The following KLHL1 variants were observed in gnomAD, a reference collection of about 807,000 sequenced individuals.
KLHL1 encodes kelch like family member 1, also known as kelch-like protein 1.
In KLHL1, 47 loss-of-function variants were observed where a neutral mutation model predicts 77.7. The ratio of observed to expected loss-of-function variants is 0.60; its 90% CI spans 0.48 to 0.77. KLHL1 has a LOEUF of 0.77. Ranked by LOEUF, KLHL1 falls within the 30% of genes least tolerant of loss-of-function variation. The pLI is 0.00. For synonymous variants in KLHL1, 360 were observed against 325.2 expected, an observed-to-expected ratio of 1.11 and a Z score of -1.15; for missense variants, 925 against 910.8, an observed-to-expected ratio of 1.02 and a Z score of -0.20.
chr13:70,042,277 CTGTG>C (rs1044628465), intron 1 of KLHL1, among the ~76,000 whole-genome samples: 1 of 151,922 alleles, frequency 6.6e-6, no homozygotes, highest in African/African-American at 2.4e-5. Flanking sequence ...ATCTGTGTGT[CTGTG>C]TGTCTGTGTG....
At chr13:70,094,185 C>T (rs2137445746) in intron 1 of KLHL1, among the ~76,000 whole-genome samples, 1 of 151,882 alleles carries the variant, frequency 6.6e-6, no homozygotes, top group East Asian at 1.9e-4. Flanking sequence ...TTTATGTAAG[C>T]CAGATGTGGC....
At chr13:69,774,249 G>A (rs1875713757) in intron 7 of KLHL1, among the ~76,000 whole-genome samples, 2 of 151,766 alleles carry the variant, frequency 1.3e-5, no homozygotes, top group South Asian at 2.1e-4. Flanking sequence ...TAGAGTTCAA[G>A]ATGAAATTGT....
chr13:70,011,215 G>T (rs1282045250), intron 1 of KLHL1, among the ~76,000 whole-genome samples: 1 of 152,066 alleles, frequency 6.6e-6, no homozygotes, highest in Non-Finnish European at 1.5e-5. Context: ...AGATATTGTT[G>T]TCTCAAATGC....
At chr13:70,030,242 A>T (rs7996859) in intron 1 of KLHL1, among the ~76,000 whole-genome samples, 16,130 of 152,170 alleles carry the variant, frequency 0.11, 1,021 homozygotes, top group African/African-American at 0.17. Context: ...CACCAAGCGG[A>T]CCTAATAGAC....
chr13:69,865,112 A>G (rs375027713), intron 5 of KLHL1, among the ~76,000 whole-genome samples: 9 of 151,958 alleles, frequency 5.9e-5, no homozygotes, highest in African/African-American at 2.2e-4. Flanking sequence ...ATTGTTTAAT[A>G]TTTTTGTAGA....
At chr13:69,967,637 A>C (rs1290342088) in intron 2 of KLHL1, among the ~76,000 whole-genome samples, 1 of 152,164 alleles carries the variant, frequency 6.6e-6, no homozygotes, top group Non-Finnish European at 1.5e-5. Context: ...CCTGAAATCT[A>C]AACTTTTTGG....
chr13:69,901,795 C>CTTTTTTTT (rs1205221353), intron 4 of KLHL1, among the ~76,000 whole-genome samples: 16 of 40,768 alleles, frequency 3.9e-4, no homozygotes, highest in African/African-American at 1.4e-3. Flanking sequence ...TTCTTTTTTT[C>CTTTTTTTT]TTTTTTTTTT....
chr13:69,951,699 T>A (rs1593980907), intron 3 of KLHL1, among the ~76,000 whole-genome samples: 1 of 151,506 alleles, frequency 6.6e-6, no homozygotes, highest in Non-Finnish European at 1.5e-5. Flanking sequence ...TGATGCTCTA[T>A]CTTGGTTTCC....
At chr13:69,778,281 T>C (rs1399668836) in intron 7 of KLHL1, among the ~76,000 whole-genome samples, 1 of 152,124 alleles carries the variant, frequency 6.6e-6, no homozygotes, top group Admixed American at 6.5e-5. Flanking sequence ...CTCAGGAAGA[T>C]AAAATTAATA....
chr13:70,078,489 A>C (rs951797055), intron 1 of KLHL1, among the ~76,000 whole-genome samples: 1 of 152,132 alleles, frequency 6.6e-6, no homozygotes, highest in African/African-American at 2.4e-5. Flanking sequence ...TCAACAAAAA[A>C]ATATGAACTT....
chr13:69,956,492 T>C (rs750849229), intron 3 of KLHL1, among the ~76,000 whole-genome samples: 3 of 151,308 alleles, frequency 2.0e-5, no homozygotes, highest in South Asian at 2.1e-4. Context: ...AACCACTATA[T>C]AGCAATATGA....
chr13:69,801,134 T>C (rs1877359782), intron 6 of KLHL1, among the ~76,000 whole-genome samples: 1 of 152,146 alleles, frequency 6.6e-6, no homozygotes. Flanking sequence ...CCCATACATT[T>C]ATTTAAAATA....
chr13:69,855,349 CAGACAGATAGAT>C lies in KLHL1; in HGVS notation c.1228-16199_1228-16188del, dbSNP rs1566329719. 1.9e-4 allele frequency among the ~76,000 whole-genome samples: 17 copies of C among 87,772 alleles called. No homozygotes were observed. In the South Asian group the frequency reaches 6.6e-3, roughly 34 times the overall value. 57.6% of individuals were successfully genotyped at this position (87,772 alleles called of 152,430 possible). A position where few individuals can be genotyped will look rare whatever the true frequency, so the allele number is the denominator to read the frequency against. ...ATAGATAGATAGATAGATAGATAGA[CAGACAGATAGAT>C]ACATAGAGAGATAGATCTATAGATA... On this transcript the variant is annotated intron_variant, in intron 5 of 10. Coordinates refer to ENST00000377844, the MANE Select transcript of KLHL1 (RefSeq NM_020866.3).
chr13:69,751,872 CAT>C (rs1277311602), intron 7 of KLHL1, among the ~76,000 whole-genome samples: 1 of 151,864 alleles, frequency 6.6e-6, no homozygotes, highest in Non-Finnish European at 1.5e-5. Context: ...TGCAAGTTGA[CAT>C]AAGGAAAAAT....
At chr13:69,886,730 T>G (rs1027797913) in intron 4 of KLHL1, among the ~76,000 whole-genome samples, 2 of 152,174 alleles carry the variant, frequency 1.3e-5, no homozygotes. Flanking sequence ...CAACACATTA[T>G]GTACTATATG....
chr13:69,975,523 T>G, intron 2 of KLHL1, 97 bp downstream of exon 2: 2 of 1,000,124 alleles, frequency 2.0e-6, no homozygotes, highest in Non-Finnish European at 1.5e-6. Context: ...ATGTGAATCC[T>G]TATTTCTGTA....
At chr13:69,980,445 C>G (rs909656313) in intron 1 of KLHL1, among the ~76,000 whole-genome samples, 1 of 152,098 alleles carries the variant, frequency 6.6e-6, no homozygotes, top group Non-Finnish European at 1.5e-5. Flanking sequence ...TGATCTGATG[C>G]TTTCTACAAT....
chr13:69,852,838 AC>A (rs1879746351), intron 5 of KLHL1, among the ~76,000 whole-genome samples: 1 of 152,006 alleles, frequency 6.6e-6, no homozygotes, highest in Non-Finnish European at 1.5e-5. Flanking sequence ...AGTTGTTCAA[AC>A]ATCTTTACTG....
intron 1 of KLHL1, among the ~76,000 whole-genome samples, chr13:70,065,813 G>A (rs1010813857): frequency 6.6e-6 from 1 of 151,964 alleles, no homozygotes; most frequent in African/African-American, 2.4e-5. Flanking sequence ...GGCTTAGCAG[G>A]TGGATTAGCA....
Sources: gnomAD v4.1 joint callset for allele counts (sites outside exome capture counted in the v4.1 genomes callset) on GRCh38, gnomAD v4.1.1 for gene constraint, MANE v1.5 for transcripts, NCBI Gene and HGNC (gene_info 2026-07-23, HGNC 2026-07-21) for gene names.